The following TAFA2 variants were observed in gnomAD, a reference collection of about 807,000 sequenced individuals.
The protein encoded by TAFA2 is chemokine-like protein TAFA-2.
A neutral mutation model predicts 18.8 loss-of-function variants in TAFA2; 7 were observed. That is an observed-to-expected ratio of 0.37 (90% confidence interval 0.21 to 0.70). The LOEUF (loss-of-function observed/expected upper bound fraction) is 0.70, where lower values mean the gene tolerates loss of function less well. TAFA2 is among the 30% of genes least tolerant of loss of function. TAFA2 has a pLI of 0.53. For synonymous variants in TAFA2, 60 were observed against 54.2 expected, an observed-to-expected ratio of 1.11 and a Z score of -0.47; for missense variants, 122 against 158.1, an observed-to-expected ratio of 0.77 and a Z score of 1.23.
At chr12:61,876,232 T>C (rs1361601054) in intron 1 of TAFA2, among the ~76,000 whole-genome samples, 2 of 152,200 alleles carry the variant, frequency 1.3e-5, no homozygotes, top group Non-Finnish European at 2.9e-5. Flanking sequence ...ATTCCTTTAG[T>C]TCTGGTGTAC....
chr12:62,006,626 T>A (rs144884333), intron 1 of TAFA2, among the ~76,000 whole-genome samples: 18 of 152,290 alleles, frequency 1.2e-4, no homozygotes, highest in Non-Finnish European at 2.4e-4. Context: ...GAAATCATAC[T>A]CAGATGGATG....
chr12:61,828,942 C>T (rs1280780678), intron 2 of TAFA2, among the ~76,000 whole-genome samples: 1 of 151,720 alleles, frequency 6.6e-6, no homozygotes, highest in African/African-American at 2.4e-5. Context: ...AATATGTAAA[C>T]TTTTGAATAG....
intron 1 of TAFA2, among the ~76,000 whole-genome samples, chr12:62,053,742 C>T (rs960358218): frequency 4.6e-5 from 7 of 152,132 alleles, no homozygotes; most frequent in Admixed American, 1.3e-4. Context: ...AATTTGAAAC[C>T]TGGTTCTACT....
chr12:61,879,584 G>T, intron 1 of TAFA2: 1 of 758,178 alleles, frequency 1.3e-6, no homozygotes, highest in South Asian at 1.4e-5. Flanking sequence ...GCCAGGTTCT[G>T]CACACCCAGG....
intron 1 of TAFA2, among the ~76,000 whole-genome samples, chr12:62,058,432 A>G (rs551567624): frequency 2.6e-5 from 4 of 152,338 alleles, no homozygotes; most frequent in African/African-American, 9.6e-5. Flanking sequence ...ATATTTATAG[A>G]GTGCTCACTA....
At chr12:61,984,115 A>G (rs905168234) in intron 1 of TAFA2, among the ~76,000 whole-genome samples, 1 of 152,182 alleles carries the variant, frequency 6.6e-6, no homozygotes, top group Non-Finnish European at 1.5e-5. Flanking sequence ...TCATAACACC[A>G]CGTATATCTT....
intron 2 of TAFA2, among the ~76,000 whole-genome samples, chr12:61,765,629 G>A (rs971901277): frequency 2.0e-5 from 3 of 152,028 alleles, no homozygotes; most frequent in Non-Finnish European, 4.4e-5. Flanking sequence ...AGGTGAAATA[G>A]GAATTGTGAT....
At chr12:61,754,223 T>G (rs906713956) in intron 3 of TAFA2, among the ~76,000 whole-genome samples, 63 of 152,016 alleles carry the variant, frequency 4.1e-4, no homozygotes, top group African/African-American at 1.4e-3. Context: ...CAGGAGGGTG[T>G]TTATCAGAGT....
chr12:61,715,023 G>A (rs537620747), intron 4 of TAFA2, among the ~76,000 whole-genome samples: 3 of 152,252 alleles, frequency 2.0e-5, no homozygotes, highest in South Asian at 4.1e-4. Context: ...TGTGTAATAC[G>A]CTATTGTGAT....
chr12:62,007,374 T>G (rs545083803), intron 1 of TAFA2, among the ~76,000 whole-genome samples: 1 of 152,320 alleles, frequency 6.6e-6, no homozygotes, highest in South Asian at 2.1e-4. Context: ...CAAAGTGATT[T>G]TGTTTTATTT....
intron 1 of TAFA2, among the ~76,000 whole-genome samples, chr12:61,949,566 G>C (rs35973139): frequency 3.3e-5 from 5 of 152,070 alleles, no homozygotes; most frequent in Non-Finnish European, 7.4e-5. Flanking sequence ...GATCCAGCTA[G>C]CTCTCTACCA....
intron 2 of TAFA2, among the ~76,000 whole-genome samples, chr12:61,758,183 G>C (rs1427010387): frequency 6.6e-6 from 1 of 152,014 alleles, no homozygotes; most frequent in Non-Finnish European, 1.5e-5. Context: ...AGTAAGTTTA[G>C]TAGAGAAGGA....
At chr12:62,009,042 G>A (rs1242535356) in intron 1 of TAFA2, among the ~76,000 whole-genome samples, 1 of 152,176 alleles carries the variant, frequency 6.6e-6, no homozygotes, top group Non-Finnish European at 1.5e-5. Context: ...ACACATTACA[G>A]GAGGGAGAAT....
chr12:62,119,754 C>T (rs1172870693), intron 1 of TAFA2, among the ~76,000 whole-genome samples: 1 of 152,160 alleles, frequency 6.6e-6, no homozygotes, highest in Non-Finnish European at 1.5e-5. Flanking sequence ...TCTGCTCCAT[C>T]ATGGTATGAC....
chr12:61,833,806 T>C (rs1255429926), intron 2 of TAFA2, among the ~76,000 whole-genome samples: 1 of 152,000 alleles, frequency 6.6e-6, no homozygotes, highest in East Asian at 1.9e-4. Flanking sequence ...CCTCATTCCC[T>C]TCATTTCATT....
intron 1 of TAFA2, among the ~76,000 whole-genome samples, chr12:61,924,053 G>A (rs1877173381): frequency 6.6e-6 from 1 of 151,084 alleles, no homozygotes; most frequent in African/African-American, 2.4e-5. Context: ...AAAAAGAAAA[G>A]GAACGAACAA....
intron 1 of TAFA2, among the ~76,000 whole-genome samples, chr12:61,874,240 G>A (rs78005379): frequency 0.014 from 2,094 of 152,148 alleles, 56 homozygotes; most frequent in African/African-American, 0.047. Context: ...AGCCTAACTA[G>A]GTCATATTTT....
chr12:61,790,101 AAAG>A (rs1220742711), intron 2 of TAFA2, among the ~76,000 whole-genome samples: 3 of 151,950 alleles, frequency 2.0e-5, no homozygotes, highest in Admixed American at 2.0e-4. Context: ...AAATTAACAG[AAAG>A]AAGGACAAAA....
intron 1 of TAFA2, among the ~76,000 whole-genome samples, chr12:62,030,924 C>A (rs140408007): frequency 3.9e-5 from 6 of 152,072 alleles, no homozygotes; most frequent in African/African-American, 1.4e-4. Context: ...TAATGATGCA[C>A]GCAGAAGTTA....
Sources: allele counts gnomAD v4.1 joint callset (sites outside exome capture counted in the v4.1 genomes callset), GRCh38; gene constraint gnomAD v4.1.1; transcripts MANE v1.5; gene names NCBI Gene and HGNC (gene_info 2026-07-23, HGNC 2026-07-21).